Variants in SEMA3C observed in about 807,000 individuals in gnomAD.
SEMA3C encodes the protein semaphorin 3C.
SEMA3C carries 47 observed loss-of-function variants against 89.4 expected under a neutral mutation model. The observed-to-expected ratio is 0.53, with a 90% confidence interval of 0.42 to 0.67. The LOEUF is 0.67. Ranked by LOEUF, SEMA3C falls within the 30% of genes least tolerant of loss-of-function variation. SEMA3C has a pLI of 0.00. For missense variants in SEMA3C, 839 were observed against 929.1 expected, an observed-to-expected ratio of 0.90 and a Z score of 1.26; for synonymous variants, 310 against 320.2, an observed-to-expected ratio of 0.97 and a Z score of 0.34.
intron 2 of SEMA3C, among the ~76,000 whole-genome samples, chr7:80,912,509 G>C (rs1372565521): frequency 6.6e-6 from 1 of 152,174 alleles, no homozygotes; most frequent in Non-Finnish European, 1.5e-5. Context: ...ACTCACAAGT[G>C]AATTCATCAA....
chr7:80,748,589 T>C (rs772254193), intron 17 of SEMA3C, among the ~76,000 whole-genome samples: 6 of 152,186 alleles, frequency 3.9e-5, no homozygotes, highest in Non-Finnish European at 8.8e-5. Flanking sequence ...GTGTGAAAAC[T>C]TGGCTTCTGG....
In SEMA3C at chr7:80,799,353, C is replaced by T. The variant is rs185763805; in HGVS notation, c.987-1117G>A. 3.4e-3 allele frequency among the ~76,000 whole-genome samples: 510 copies of T among 152,116 alleles called. 13 individuals carry two copies. In the South Asian group the frequency reaches 0.039, roughly 12 times the overall value. On this transcript the variant is annotated intron_variant, in intron 10 of 17. Transcript: ENST00000265361. The stretch of plus-strand genomic sequence containing the variant: ...AGTTGATTGTCTAATCAAAGGGACC[C>T]ATTATCTTCCACAGTGGCTGAGTTA...
Position 80,818,375 on chromosome 7 carries a change from C to G in SEMA3C, c.371G>C (p.Arg124Pro). ...ACTCCCACAGACATACAAATGTGTG[C>G]GATTGAAAGTCTGAATTACACGGAC... ...NFVRVIQTFN[R>P]THLYVCGSGA... Residue 124 changes from arginine (R) to proline (P), a missense_variant, in exon 5 of 18, where the codon CGC becomes CCC. By Grantham distance (103) the Arg-to-Pro change is moderately radical (BLOSUM62 -2). Transcript: ENST00000265361. 1 of 1,613,140 alleles carries G rather than the reference C, an allele frequency of 6.2e-7. No individual in the cohort carries two copies. The highest frequency in any genetic ancestry group is 8.5e-7 in the Non-Finnish European group (1 of 1,179,292).
chr7:80,844,436 C>A (rs539072114), intron 2 of SEMA3C, among the ~76,000 whole-genome samples: 162 of 152,158 alleles, frequency 1.1e-3, no homozygotes, highest in Non-Finnish European at 2.0e-3. Flanking sequence ...GAGTGTGGGC[C>A]CTGAGCTTGA....
At chr7:80,883,229 C>G (rs895744652) in intron 2 of SEMA3C, among the ~76,000 whole-genome samples, 1 of 152,136 alleles carries the variant, frequency 6.6e-6, no homozygotes, top group African/African-American at 2.4e-5. Flanking sequence ...AAATCAACAG[C>G]CTCCTTCTAA....
rs143343261 is a variant in SEMA3C, at chr7:80,828,720, T to G, written c.129A>C (p.Glu43Asp). 1.2e-6 allele frequency: 2 copies of G among 1,608,840 alleles called. No homozygotes were observed. The highest frequency in any genetic ancestry group is 1.7e-6 in the Non-Finnish European group (2 of 1,176,854). Residue 43 changes from glutamate to aspartate, a missense_variant, in exon 3 of 18, where the codon GAA (glutamate) becomes GAC (aspartate). Transcript: ENST00000265361. ...AAGGATGGTGGGAAAGGCTGAAGTA[T>G]TCAGAGGTCTTGGTTTCTCGAAGTT... The part of the protein sequence containing the change: ...FDELRETKTS[E>D]YFSLSHHPLD...
At chr7:80,914,050 T>C (rs1490136842) in intron 2 of SEMA3C, among the ~76,000 whole-genome samples, 2 of 152,124 alleles carry the variant, frequency 1.3e-5, no homozygotes, top group African/African-American at 2.4e-5. Context: ...GGTAAAGTAA[T>C]TACGAGAGAA....
At chr7:80,823,979 T>C (rs1789814163) in intron 4 of SEMA3C, among the ~76,000 whole-genome samples, 1 of 152,132 alleles carries the variant, frequency 6.6e-6, no homozygotes, top group African/African-American at 2.4e-5. Context: ...AATCCGACCA[T>C]GAAAATTTAT....
intron 2 of SEMA3C, among the ~76,000 whole-genome samples, chr7:80,860,231 A>T (rs775286292): frequency 1.8e-4 from 27 of 152,300 alleles, no homozygotes; most frequent in Non-Finnish European, 3.8e-4. Flanking sequence ...TAAGTAAACT[A>T]TGACCATGGT....
In SEMA3C at chr7:80,786,385, T is replaced by C. The variant is rs144229438; in HGVS notation, c.1354+2921A>G. 4.4e-3 allele frequency among the ~76,000 whole-genome samples: 669 copies of C among 150,800 alleles called. 2 individuals carry two copies. The highest frequency in any genetic ancestry group is 8.0e-3 in the South Asian group (38 of 4,764). On this transcript the variant is annotated intron_variant, in intron 12 of 17. Transcript: ENST00000265361. ...ATGGAGAAAATACACATATTTCATG[T>C]AGATTTTCATGAAAAAAAAAAAAAC...
chr7:80,827,667 T>G (rs562190216), intron 3 of SEMA3C, among the ~76,000 whole-genome samples, 180 bp from the exon 4 acceptor site: 1 of 152,174 alleles, frequency 6.6e-6, no homozygotes, highest in African/African-American at 2.4e-5. Context: ...TTACAATTAT[T>G]TTTATTTCTT....
chr7:80,915,795 T>C (rs1792258735), intron 2 of SEMA3C: 1 of 150,428 alleles, frequency 6.6e-6, no homozygotes, highest in Non-Finnish European at 1.5e-5. Context: ...CACTCTGCTA[T>C]AGAAAGGTCT....
chr7:80,862,722 C>T (rs540672503), intron 2 of SEMA3C, among the ~76,000 whole-genome samples: 20 of 152,246 alleles, frequency 1.3e-4, no homozygotes, highest in African/African-American at 3.1e-4. Flanking sequence ...ACCAAAACAG[C>T]GTGGTACTGG....
chr7:80,916,830 G>T lies in SEMA3C; in HGVS notation c.-38-11C>A. The T allele has an allele frequency of 6.2e-7, 1 of 1,605,446 alleles. No individual in the cohort carries two copies. On this transcript the variant is annotated splice_polypyrimidine_tract_variant and intron_variant, in intron 1 of 17. Coordinates refer to ENST00000265361, the MANE Select transcript of SEMA3C (RefSeq NM_006379.5). ...TCCAAGGGAAAATACCTTTAAGAGAGAGACAACATGTTTGTTATATCTCAT... is the reference window on the plus strand; with the variant it reads ...TCCAAGGGAAAATACCTTTAAGAGATAGACAACATGTTTGTTATATCTCAT...
At chr7:80,810,827 C>T in intron 5 of SEMA3C, 126 bp from the exon 6 acceptor site, 2 of 666,112 alleles carry the variant, frequency 3.0e-6, no homozygotes, top group Non-Finnish European at 5.3e-6. Context: ...TTATGCCTTC[C>T]AATTTACTAC....
rs1461615511 is a variant in SEMA3C, at chr7:80,852,981, A to G, written c.104-24236T>C. On this transcript the variant is annotated intron_variant, in intron 2 of 17. Transcript: ENST00000265361. ...GCATGAGCCACCGTGCCTGGACTGA[A>G]TAGACATTTTTCAAAAGAAGACAAA... Among the ~76,000 whole-genome samples, 3 of 152,086 alleles carry G rather than the reference A, an allele frequency of 2.0e-5. No individual in the cohort carries two copies. The East Asian group carries it at 5.8e-4, about 29-fold the overall frequency.
intron 2 of SEMA3C, among the ~76,000 whole-genome samples, chr7:80,853,924 A>G (rs1790574963): frequency 6.6e-6 from 1 of 151,866 alleles, no homozygotes; most frequent in Non-Finnish European, 1.5e-5. Context: ...GTGTATACAC[A>G]CCTGCTATGT....
chr7:80,871,100 T>C (rs1583963370), intron 2 of SEMA3C, among the ~76,000 whole-genome samples: 1 of 152,364 alleles, frequency 6.6e-6, no homozygotes, highest in African/African-American at 2.4e-5. Context: ...TCTGTCAGTG[T>C]TCCATTTAAA....
At chr7:80,755,925 A>AG (rs1788055533) in intron 15 of SEMA3C, among the ~76,000 whole-genome samples, 1 of 152,160 alleles carries the variant, frequency 6.6e-6, no homozygotes, top group Non-Finnish European at 1.5e-5. Context: ...AAAAGAAGTC[A>AG]GGGACCTCCT....
Sources: gnomAD v4.1 joint callset for allele counts (sites outside exome capture counted in the v4.1 genomes callset) on GRCh38, gnomAD v4.1.1 for gene constraint, MANE v1.5 for transcripts, NCBI Gene and HGNC (gene_info 2026-07-23, HGNC 2026-07-21) for gene names.